Variants in KCNK3 observed in about 807,000 individuals in gnomAD.
KCNK3 encodes the protein potassium channel subfamily K member 3.
A neutral mutation model predicts 27.3 loss-of-function variants in KCNK3; 9 were observed. The ratio of observed to expected loss-of-function variants is 0.33; its 90% CI spans 0.20 to 0.57. The LOEUF is 0.57. Among genes scored for constraint, KCNK3 ranks in the 20% least tolerant of loss-of-function variants. KCNK3 has a pLI of 0.87. For missense variants in KCNK3, 391 were observed against 577.7 expected, an observed-to-expected ratio of 0.68 and a Z score of 3.31; for synonymous variants, 278 against 273.8, an observed-to-expected ratio of 1.02 and a Z score of -0.15.
Position 26,693,019 on chromosome 2 carries a change from G to C in KCNK3, c.144G>C (p.Leu48=), listed in dbSNP as rs1288651319. The change falls in exon 1 of 2, where the codon CTG becomes CTC. Residue 48 remains leucine, a synonymous_variant. Coordinates refer to ENST00000302909, the MANE Select transcript of KCNK3 (RefSeq NM_002246.3). This position sits in a 1 kb window ranked among gnomAD's most constrained non-coding sequence, Gnocchi z 5.5. ...GGCTGGAGCTGCGGCAGCAGGAGCT[G>C]CGGGCGCGCTACAACCTCAGCCAGG... The part of the protein sequence containing the change: ...RQRLELRQQE[L]RARYNLSQGG... 6.3e-7 allele frequency: 1 copy of C among 1,583,998 alleles called. No homozygotes were observed. Among genetic ancestry groups the C allele is most frequent in the African/African-American group, 1.4e-5 (1 of 74,066 alleles).
intron 1 of KCNK3, among the ~76,000 whole-genome samples, chr2:26,716,315 GTA>G (rs1663231408): frequency 6.6e-6 from 1 of 152,188 alleles, no homozygotes. Context: ...ACAATAGAAT[GTA>G]TAGAGATTGC....
intron 1 of KCNK3, among the ~76,000 whole-genome samples, chr2:26,726,064 G>T (rs941615456): frequency 2.7e-5 from 4 of 148,632 alleles, no homozygotes; most frequent in Non-Finnish European, 4.5e-5. Context: ...GGAAACTAAG[G>T]CTCAGAGAAA....
intron 1 of KCNK3, among the ~76,000 whole-genome samples, chr2:26,697,431 G>A (rs1348829120): frequency 6.6e-6 from 1 of 152,200 alleles, no homozygotes; most frequent in African/African-American, 2.4e-5. Context: ...CTTGAACGCA[G>A]AAGGCAGAGG....
At chr2:26,715,594 G>A (rs1229968069) in intron 1 of KCNK3, among the ~76,000 whole-genome samples, 2 of 152,226 alleles carry the variant, frequency 1.3e-5, no homozygotes, top group African/African-American at 4.8e-5. Context: ...GTACCAACAC[G>A]ATTCCCAAAT....
chr2:26,700,362 G>A (rs1670292360), intron 1 of KCNK3, among the ~76,000 whole-genome samples: 1 of 152,242 alleles, frequency 6.6e-6, no homozygotes, highest in South Asian at 2.1e-4. Context: ...CCATGCTACA[G>A]CAGCTCCCAG....
chr2:26,708,528 A>T lies in KCNK3; in HGVS notation c.283+15370A>T, dbSNP rs186225811. Reference sequence around the variant, plus strand: ...GTCTCTACTAAAAGAAATACAAAAAAATTAGCCAGGCGTTGTGGCATGTGC... The same window carrying T: ...GTCTCTACTAAAAGAAATACAAAAATATTAGCCAGGCGTTGTGGCATGTGC... On this transcript the variant is annotated intron_variant, in intron 1 of 1. Coordinates refer to ENST00000302909, the MANE Select transcript of KCNK3 (RefSeq NM_002246.3). Among the ~76,000 whole-genome samples the T allele has an allele frequency of 6.6e-5, 10 of 152,260 alleles. No individual in the cohort carries two copies. In the East Asian group the frequency reaches 1.9e-3, roughly 29 times the overall value.
In KCNK3 at chr2:26,729,495, T is replaced by G. The variant is rs911136957; in HGVS notation, c.*927T>G. ...GGAGTTCTCACTCCCATTTTACAGATGAGAATACTGAGGCCTGGACAGGTG... is the reference window on the plus strand; with the variant it reads ...GGAGTTCTCACTCCCATTTTACAGAGGAGAATACTGAGGCCTGGACAGGTG... On this transcript the variant is annotated 3_prime_UTR_variant, in exon 2 of 2. Transcript: ENST00000302909. 2 of 151,506 alleles carry G rather than the reference T, an allele frequency of 1.3e-5. No individual in the cohort carries two copies. Among genetic ancestry groups the G allele is most frequent in the African/African-American group, 2.4e-5 (1 of 41,154 alleles). 9.4% of individuals were successfully genotyped at this position (151,506 alleles called of 1,614,324 possible).
chr2:26,715,603 AT>A (rs1297524706), intron 1 of KCNK3, among the ~76,000 whole-genome samples: 1 of 152,194 alleles, frequency 6.6e-6, no homozygotes, highest in Non-Finnish European at 1.5e-5. Flanking sequence ...CGATTCCCAA[AT>A]GTTCTGGCTT....
chr2:26,732,475 T>C lies in KCNK3; in HGVS notation c.*3907T>C, dbSNP rs1663558474. On this transcript the variant is annotated 3_prime_UTR_variant, in exon 2 of 2. Transcript: ENST00000302909. The stretch of plus-strand genomic sequence containing the variant: ...CCCACACCGCCCCTCGTTACCCGCA[T>C]AGGTCAACTGAAAGATACAGAGAGG... 6.6e-6 allele frequency: 1 copy of C among 152,224 alleles called. No individual in the cohort carries two copies. 9.4% of individuals were successfully genotyped at this position (152,224 alleles called of 1,614,324 possible). A position where few individuals can be genotyped will look rare whatever the true frequency, so the allele number is the denominator to read the frequency against.
At chr2:26,725,501 C>T (rs1020574502) in intron 1 of KCNK3, among the ~76,000 whole-genome samples, 15 of 152,170 alleles carry the variant, frequency 9.9e-5, no homozygotes, top group African/African-American at 3.4e-4. Flanking sequence ...GCCATGCCCT[C>T]CCCTCTCCAC....
intron 1 of KCNK3, among the ~76,000 whole-genome samples, chr2:26,711,938 TC>T (rs1451581701): frequency 1.3e-5 from 2 of 152,032 alleles, no homozygotes; most frequent in African/African-American, 4.8e-5. Flanking sequence ...ATTGCCTGGG[TC>T]CTCGGGAGGC....
At chr2:26,709,993 C>T (rs1054668389) in intron 1 of KCNK3, among the ~76,000 whole-genome samples, 1 of 152,240 alleles carries the variant, frequency 6.6e-6, no homozygotes, top group African/African-American at 2.4e-5. Flanking sequence ...AGCTTCCAGC[C>T]GTCTTGGCCT....
At chr2:26,709,909 G>A (rs963614692) in intron 1 of KCNK3, among the ~76,000 whole-genome samples, 10 of 152,260 alleles carry the variant, frequency 6.6e-5, no homozygotes, top group East Asian at 5.8e-4. Context: ...CACCAGCTCC[G>A]CCTGCCTTAC....
chr2:26,699,448 G>C (rs1393057565), intron 1 of KCNK3, among the ~76,000 whole-genome samples: 1 of 152,114 alleles, frequency 6.6e-6, no homozygotes, highest in African/African-American at 2.4e-5. Context: ...AGTGGGGACA[G>C]GACAAACACA....
At chr2:26,724,804 T>G (rs1356396000) in intron 1 of KCNK3, among the ~76,000 whole-genome samples, 15 of 152,116 alleles carry the variant, frequency 9.9e-5, no homozygotes. Flanking sequence ...CACTTGCAGC[T>G]GAAGCTGGGT....
At chr2:26,701,268 C>CGCTTCCCTGAGGCT (rs1313358078) in intron 1 of KCNK3, among the ~76,000 whole-genome samples, 4 of 152,190 alleles carry the variant, frequency 2.6e-5, no homozygotes, top group African/African-American at 9.7e-5. Flanking sequence ...GAGCTGTGGC[C>CGCTTCCCTGAGGCT]GCTTCCCTGA....
intron 1 of KCNK3, among the ~76,000 whole-genome samples, chr2:26,719,608 T>C (rs984142535): frequency 6.6e-6 from 1 of 152,240 alleles, no homozygotes; most frequent in Middle Eastern, 3.2e-3. Flanking sequence ...CTCTGCTTTA[T>C]ACAGGGCACT....
intron 1 of KCNK3, among the ~76,000 whole-genome samples, chr2:26,714,500 G>A (rs1663188317): frequency 6.7e-6 from 1 of 149,334 alleles, no homozygotes; most frequent in Admixed American, 6.8e-5. Context: ...CTGCTGGGGA[G>A]GGGTTGAGCA....
rs779289854 is a variant in KCNK3 at position 26,722,461 on chromosome 2, T to C, written c.284-5206T>C. Among the ~76,000 whole-genome samples, 13 of 152,374 alleles carry C rather than the reference T, an allele frequency of 8.5e-5. No homozygotes were observed. In the South Asian group the frequency reaches 1.2e-3, roughly 15 times the overall value. On this transcript the variant is annotated intron_variant, in intron 1 of 1. Transcript: ENST00000302909. ...CAATCAAGTCCCCACACCAAGTCTA[T>C]GAAGTGAGTACTTCATTATTCCCAT...
Sources: allele counts gnomAD v4.1 joint callset (sites outside exome capture counted in the v4.1 genomes callset), GRCh38; gene constraint gnomAD v4.1.1; non-coding constraint Gnocchi (gnomAD v3.1); transcripts MANE v1.5; gene names NCBI Gene and HGNC (gene_info 2026-07-23, HGNC 2026-07-21).